The following TOX variants were observed in gnomAD, a reference collection of about 807,000 sequenced individuals.
TOX encodes thymocyte selection-associated high mobility group box protein TOX.
In TOX, 11 loss-of-function variants were observed where a neutral mutation model predicts 53.7. That is an observed-to-expected ratio of 0.20 (90% confidence interval 0.13 to 0.34). The LOEUF is 0.34. Ranked by LOEUF, TOX falls within the 10% of genes least tolerant of loss-of-function variation. The pLI is 1.00. For missense variants in TOX, 570 were observed against 664.6 expected, an observed-to-expected ratio of 0.86 and a Z score of 1.56; for synonymous variants, 225 against 245.3, an observed-to-expected ratio of 0.92 and a Z score of 0.77.
At chr8:59,033,763 C>T (rs1814401194) in intron 1 of TOX, among the ~76,000 whole-genome samples, 1 of 152,120 alleles carries the variant, frequency 6.6e-6, no homozygotes, top group Admixed American at 6.5e-5. Context: ...TCCGACAGAG[C>T]CCACACTGGA....
At chr8:58,913,119 C>T (rs1811932891) in intron 3 of TOX, among the ~76,000 whole-genome samples, 1 of 152,106 alleles carries the variant, frequency 6.6e-6, no homozygotes, top group African/African-American at 2.4e-5. Context: ...TCTCTACTCC[C>T]ACCTTATATA....
chr8:58,851,631 C>T lies in TOX; in HGVS notation c.586G>A (p.Gly196Arg), dbSNP rs1563369996. 1.1e-5 allele frequency: 18 copies of T among 1,613,596 alleles called. No homozygotes were observed. The highest frequency in any genetic ancestry group is 4.5e-5 in the East Asian group (2 of 44,846). The change falls in exon 4 of 9, where the codon GGA (glycine) becomes AGA (arginine). Residue 196 changes from glycine to arginine, a missense_variant. This residue lies in a region of TOX where 282 missense variants were observed against 315.0 expected (regional missense o/e 0.90). Transcript: ENST00000361421. This position sits in a 1 kb window ranked among gnomAD's most constrained non-coding sequence, Gnocchi z 4.4. ...QLSAQLGLNM[G>R]GSNVPHNSPS... ...GAGTTGTGGGGAACATTGCTTCCTC[C>T]CATATTCAAACCAAGTTGAGCACTT... is the stretch of plus-strand genomic sequence containing the variant.
At chr8:59,092,102 A>C (rs1010219859) in intron 1 of TOX, among the ~76,000 whole-genome samples, 1 of 150,752 alleles carries the variant, frequency 6.6e-6, no homozygotes, top group African/African-American at 2.5e-5. Context: ...ATACAAAAAA[A>C]TTAGCTGGGA....
Position 59,118,855 on chromosome 8 carries a change from A to T in TOX, c.102+31T>A, listed in dbSNP as rs756305982. 6 of 1,531,698 alleles carry T rather than the reference A, an allele frequency of 3.9e-6. No individual in the cohort carries two copies. The highest frequency in any genetic ancestry group is 4.4e-6 in the Non-Finnish European group (5 of 1,126,436). 94.9% of individuals were successfully genotyped at this position (1,531,698 alleles called of 1,614,324 possible). The stretch of plus-strand genomic sequence containing the variant: ...TCCCCTCCCAGGATCAAGCAGCAAG[A>T]ACACGGTGGAAACAAAAGCAGAGCG... On this transcript the variant is annotated intron_variant, in intron 1 of 8. Transcript: ENST00000361421. This position sits in a 1 kb window ranked among gnomAD's most constrained non-coding sequence, Gnocchi z 4.1.
intron 1 of TOX, among the ~76,000 whole-genome samples, chr8:59,058,885 T>G (rs1394298518): frequency 6.6e-6 from 1 of 152,146 alleles, no homozygotes; most frequent in African/African-American, 2.4e-5. Context: ...ATGAAGAAAG[T>G]TAACACAGCC....
At chr8:59,083,294 C>T (rs1024130902) in intron 1 of TOX, among the ~76,000 whole-genome samples, 12 of 152,126 alleles carry the variant, frequency 7.9e-5, no homozygotes, top group Admixed American at 4.6e-4. Flanking sequence ...TTTCAAATCA[C>T]GATTCAAATG....
intron 3 of TOX, among the ~76,000 whole-genome samples, chr8:58,869,598 G>A (rs1811164660): frequency 6.6e-6 from 1 of 151,980 alleles, no homozygotes; most frequent in Non-Finnish European, 1.5e-5. Context: ...ATTAAAGACT[G>A]TTAACTCTCA....
At chr8:58,833,390 T>G (rs1240178323) in intron 5 of TOX, among the ~76,000 whole-genome samples, 1 of 152,148 alleles carries the variant, frequency 6.6e-6, no homozygotes, top group Non-Finnish European at 1.5e-5. Flanking sequence ...CGGGACGAGC[T>G]CTTTTATTTT....
chr8:59,056,239 A>G (rs1803886670), intron 1 of TOX, among the ~76,000 whole-genome samples: 2 of 152,054 alleles, frequency 1.3e-5, no homozygotes, highest in Admixed American at 6.6e-5. Context: ...CAGCCTGGGC[A>G]ACATAGCAAA....
At chr8:58,885,739 T>A (rs1811455481) in intron 3 of TOX, among the ~76,000 whole-genome samples, 1 of 152,136 alleles carries the variant, frequency 6.6e-6, no homozygotes, top group East Asian at 1.9e-4. Flanking sequence ...TAGTCTGGTG[T>A]GTTTGCTGTG....
intron 1 of TOX, among the ~76,000 whole-genome samples, chr8:59,063,722 G>A (rs982169840): frequency 3.3e-5 from 5 of 152,056 alleles, no homozygotes; most frequent in Admixed American, 3.3e-4. Flanking sequence ...CGCCCGGCCC[G>A]GGATAGACTT....
intron 1 of TOX, among the ~76,000 whole-genome samples, chr8:59,051,751 G>A (rs1803794570): frequency 6.6e-6 from 1 of 152,144 alleles, no homozygotes; most frequent in Non-Finnish European, 1.5e-5. Context: ...GGGACTGAGT[G>A]TTTACACTTC....
intron 3 of TOX, among the ~76,000 whole-genome samples, chr8:58,883,316 T>A (rs1275059588): frequency 6.6e-6 from 1 of 152,238 alleles, no homozygotes; most frequent in African/African-American, 2.4e-5. Context: ...GTAAATGGCC[T>A]AAAGGACTTT....
intron 1 of TOX, among the ~76,000 whole-genome samples, chr8:59,083,841 T>C (rs1804458748): frequency 6.6e-6 from 1 of 152,174 alleles, no homozygotes; most frequent in Non-Finnish European, 1.5e-5. Context: ...TGGAAGAATA[T>C]CTGCATTTAT....
intron 1 of TOX, among the ~76,000 whole-genome samples, chr8:59,026,827 A>T (rs1273217817): frequency 1.3e-5 from 2 of 151,950 alleles, no homozygotes; most frequent in Non-Finnish European, 2.9e-5. Flanking sequence ...AAATATTTGA[A>T]TGCAAAATTT....
At chr8:58,819,876 C>T (rs531299784) in intron 6 of TOX, among the ~76,000 whole-genome samples, 7 of 152,222 alleles carry the variant, frequency 4.6e-5, no homozygotes, top group South Asian at 2.1e-4. Flanking sequence ...CAGCACTGAC[C>T]GATACTTAAT....
intron 1 of TOX, among the ~76,000 whole-genome samples, chr8:59,093,274 C>G (rs935090671): frequency 6.6e-6 from 1 of 152,198 alleles, no homozygotes; most frequent in African/African-American, 2.4e-5. Flanking sequence ...TCCATAACAG[C>G]ATCCACTTTC....
intron 3 of TOX, among the ~76,000 whole-genome samples, chr8:58,890,074 A>C (rs1302889865): frequency 1.3e-5 from 2 of 152,176 alleles, no homozygotes; most frequent in African/African-American, 4.8e-5. Flanking sequence ...TCATTTGCAC[A>C]TTTCACAAAA....
At position 59,056,501 on chromosome 8, in the gene TOX, C is replaced by T. The variant is rs76548343; in HGVS notation, c.102+62385G>A. 5.6e-3 allele frequency among the ~76,000 whole-genome samples: 822 copies of T among 146,454 alleles called. 11 individuals carry two copies. Among genetic ancestry groups the T allele is most frequent in the African/African-American group, 0.02 (787 of 39,598 alleles). On this transcript the variant is annotated intron_variant, in intron 1 of 8. Coordinates refer to ENST00000361421, the MANE Select transcript of TOX (RefSeq NM_014729.3). ...AAAAAGAATTATACTGATACCACTA[C>T]AGTGAAAATGGTAAGATGACCCCTT...
Sources: gnomAD v4.1 joint callset for allele counts (sites outside exome capture counted in the v4.1 genomes callset) on GRCh38, gnomAD v4.1.1 for gene constraint, gnomAD v4.1.1 regional missense constraint, Gnocchi (gnomAD v3.1) non-coding constraint, MANE v1.5 for transcripts, NCBI Gene and HGNC (gene_info 2026-07-23, HGNC 2026-07-21) for gene names.